CUL1: variants seen among roughly 807,000 people sequenced by gnomAD.
CUL1 encodes cullin-1.
CUL1 carries 24 observed loss-of-function variants against 118.0 expected under a neutral mutation model. The observed-to-expected ratio is 0.20, with a 90% CI of 0.15 to 0.29. CUL1 has a LOEUF of 0.29. Ranked by LOEUF, CUL1 falls within the 10% of genes least tolerant of loss-of-function variation. The pLI is 1.00. For synonymous variants in CUL1, 332 were observed against 340.4 expected, an observed-to-expected ratio of 0.98 and a Z score of 0.27; for missense variants, 361 against 933.8, an observed-to-expected ratio of 0.39 and a Z score of 7.99.
At chr7:148,736,060 A>G (rs1006857461) in intron 2 of CUL1, among the ~76,000 whole-genome samples, 2 of 151,230 alleles carry the variant, frequency 1.3e-5, no homozygotes, top group Non-Finnish European at 2.9e-5. Context: ...TGTAGTCCCA[A>G]CTACTCAGGA....
chr7:148,766,814 T>A, intron 8 of CUL1, 91 bp downstream of exon 8: 2 of 1,086,674 alleles, frequency 1.8e-6, no homozygotes, highest in Non-Finnish European at 2.7e-6. Flanking sequence ...TCAACGGCAT[T>A]ACTTGCCCAT....
At chr7:148,757,220 T>G in intron 4 of CUL1, 70 bp downstream of exon 4, 1 of 1,040,402 alleles carries the variant, frequency 9.6e-7, no homozygotes, top group East Asian at 2.9e-5. Context: ...AAATTGTCTT[T>G]CAGCAAGAGA....
chr7:148,781,079 ATTTTT>A (rs1197920664), intron 9 of CUL1, among the ~76,000 whole-genome samples: 6 of 93,728 alleles, frequency 6.4e-5, no homozygotes, highest in African/African-American at 1.8e-4. Context: ...TCAAGGCCAG[ATTTTT>A]TTTTTTTTTT....
intron 1 of CUL1, among the ~76,000 whole-genome samples, chr7:148,712,139 A>G (rs1584759208): frequency 1.3e-5 from 2 of 152,238 alleles, no homozygotes; most frequent in Non-Finnish European, 2.9e-5. Context: ...AAGACAGAAG[A>G]GAAACTTTTT....
chr7:148,784,691 T>A (rs1800760361), intron 11 of CUL1, among the ~76,000 whole-genome samples: 1 of 152,220 alleles, frequency 6.6e-6, no homozygotes, highest in Non-Finnish European at 1.5e-5. Context: ...TTTTAAAGAT[T>A]TTAATGAAGG....
chr7:148,789,052 C>T (rs142717897), intron 14 of CUL1, among the ~76,000 whole-genome samples: 1 of 152,166 alleles, frequency 6.6e-6, no homozygotes, highest in Non-Finnish European at 1.5e-5. Flanking sequence ...GATTAGGGAT[C>T]AGTACAGGCA....
intron 2 of CUL1, among the ~76,000 whole-genome samples, chr7:148,750,053 A>G (rs1301677816): frequency 6.6e-6 from 1 of 152,212 alleles, no homozygotes; most frequent in East Asian, 1.9e-4. Flanking sequence ...GCAATTCTGT[A>G]AAGGCTGGGA....
chr7:148,701,928 A>G (rs2129458741), intron 1 of CUL1, among the ~76,000 whole-genome samples: 1 of 152,234 alleles, frequency 6.6e-6, no homozygotes, highest in Admixed American at 6.5e-5. Flanking sequence ...TCTTTGGGGG[A>G]CTGTCAGCTT....
At chr7:148,728,884 A>G (rs562156688) in intron 1 of CUL1, among the ~76,000 whole-genome samples, 108 of 152,344 alleles carry the variant, frequency 7.1e-4, no homozygotes, top group African/African-American at 2.4e-3. Context: ...TTGACAAGGT[A>G]ACTGGGACAT....
At chr7:148,702,649 T>C (rs992513237) in intron 1 of CUL1, among the ~76,000 whole-genome samples, 2 of 152,232 alleles carry the variant, frequency 1.3e-5, no homozygotes, top group Non-Finnish European at 2.9e-5. Flanking sequence ...TCAGCGCTAT[T>C]GCAGTTCCAT....
intron 1 of CUL1, among the ~76,000 whole-genome samples, chr7:148,712,665 A>C (rs1798087117): frequency 6.6e-6 from 1 of 152,212 alleles, no homozygotes; most frequent in Non-Finnish European, 1.5e-5. Flanking sequence ...TCTGCTAAGC[A>C]TTTTATTTTC....
chr7:148,733,911 C>T (rs1798852933), intron 2 of CUL1, among the ~76,000 whole-genome samples: 1 of 151,724 alleles, frequency 6.6e-6, no homozygotes, highest in South Asian at 2.1e-4. Flanking sequence ...TTCTTGGAGG[C>T]TTTAGGAACC....
intron 2 of CUL1, among the ~76,000 whole-genome samples, chr7:148,739,982 C>T (rs1442819705): frequency 6.6e-6 from 1 of 151,794 alleles, no homozygotes. Context: ...AACTTTTCCT[C>T]AATGGACTGT....
intron 1 of CUL1, among the ~76,000 whole-genome samples, chr7:148,713,824 A>G (rs886280407): frequency 4.6e-5 from 7 of 152,190 alleles, no homozygotes; most frequent in African/African-American, 1.7e-4. Flanking sequence ...TCTGGGTTCA[A>G]GTGATTCTCC....
At chr7:148,707,907 C>G (rs892686806) in intron 1 of CUL1, among the ~76,000 whole-genome samples, 1 of 152,082 alleles carries the variant, frequency 6.6e-6, no homozygotes, top group Admixed American at 6.6e-5. Flanking sequence ...GGATGTCTTG[C>G]GTTAGAGGAG....
chr7:148,780,640 T>A (rs186492794), intron 9 of CUL1, among the ~76,000 whole-genome samples: 1 of 152,136 alleles, frequency 6.6e-6, no homozygotes, highest in African/African-American at 2.4e-5. Context: ...TGGGGGAAGT[T>A]TGGTGTGGAT....
At chr7:148,792,877 A>T in intron 17 of CUL1, 59 bp downstream of exon 17, 1 of 1,248,186 alleles carries the variant, frequency 8.0e-7, no homozygotes, top group African/African-American at 1.5e-5. Context: ...TCTCGTGGAT[A>T]TTGTTAGGAA....
At chr7:148,721,793 G>C (rs56086116) in intron 1 of CUL1, among the ~76,000 whole-genome samples, 2 of 151,782 alleles carry the variant, frequency 1.3e-5, no homozygotes, top group African/African-American at 4.8e-5. Context: ...GGCTCATTTT[G>C]TGTGGTCTGT....
intron 20 of CUL1, among the ~76,000 whole-genome samples, chr7:148,799,012 T>A (rs574380620): frequency 6.6e-6 from 1 of 152,266 alleles, no homozygotes; most frequent in East Asian, 1.9e-4. Flanking sequence ...TCCTTTTTTT[T>A]AATGCTTTAT....
Sources: allele counts gnomAD v4.1 joint callset (sites outside exome capture counted in the v4.1 genomes callset), GRCh38; gene constraint gnomAD v4.1.1; transcripts MANE v1.5; gene names NCBI Gene and HGNC (gene_info 2026-07-23, HGNC 2026-07-21).